The following SPMIP4 variants were observed in gnomAD, a reference collection of about 807,000 sequenced individuals.
SPMIP4 encodes sperm microtubule inner protein 4.
chr7:25,170,243 G>C, the SPMIP4 span, among the ~76,000 whole-genome samples: 1 of 152,142 alleles, frequency 6.6e-6, no homozygotes, highest in African/African-American at 2.4e-5. Flanking sequence ...CCATTCTAGT[G>C]GATGTGAAGT....
At chr7:25,169,012 G>A in the SPMIP4 span, among the ~76,000 whole-genome samples, 1 of 151,126 alleles carries the variant, frequency 6.6e-6, no homozygotes, top group Non-Finnish European at 1.5e-5. Context: ...ACAGGTGTGA[G>A]CCACTGCATC....
At chr7:25,174,462 C>G in the SPMIP4 span, among the ~76,000 whole-genome samples, 1 of 152,116 alleles carries the variant, frequency 6.6e-6, no homozygotes, top group Non-Finnish European at 1.5e-5. This position sits in a 1 kb window ranked among gnomAD's most constrained non-coding sequence, Gnocchi z 4.5. Context: ...AGTCACTGTA[C>G]AAGATTTTAT....
At chr7:25,141,894 C>T in the SPMIP4 span, among the ~76,000 whole-genome samples, 1 of 152,034 alleles carries the variant, frequency 6.6e-6, no homozygotes, top group Non-Finnish European at 1.5e-5. Context: ...AGTGCCACCA[C>T]GCCTGGCTAA....
the SPMIP4 span, among the ~76,000 whole-genome samples, chr7:25,126,740 A>G: frequency 6.6e-6 from 1 of 152,206 alleles, no homozygotes; most frequent in Admixed American, 6.5e-5. Flanking sequence ...CAGTATTATA[A>G]TATTGTGTGT....
At chr7:25,178,214 G>C in the SPMIP4 span, among the ~76,000 whole-genome samples, 29 of 152,144 alleles carry the variant, frequency 1.9e-4, no homozygotes, top group Admixed American at 1.4e-3. Context: ...ACCACTGATG[G>C]TCATTTATGC....
At chr7:25,150,997 AGTGACTG>A in the SPMIP4 span, among the ~76,000 whole-genome samples, 1 of 152,106 alleles carries the variant, frequency 6.6e-6, no homozygotes, top group Non-Finnish European at 1.5e-5. Context: ...GCATATTTGG[AGTGACTG>A]GAGGTATTAT....
chr7:25,131,975 G>A, the SPMIP4 span, among the ~76,000 whole-genome samples: 3 of 152,194 alleles, frequency 2.0e-5, no homozygotes, highest in Middle Eastern at 6.3e-3. This position sits in a 1 kb window ranked among gnomAD's most constrained non-coding sequence, Gnocchi z 4.2. Flanking sequence ...GTGGTGGACG[G>A]CAAGTGAAAG....
the SPMIP4 span, chr7:25,125,808 G>C: frequency 1.7e-6 from 1 of 597,742 alleles, no homozygotes; most frequent in East Asian, 1.4e-4. Context: ...CATCCTAGAG[G>C]GACAGCCTGG....
the SPMIP4 span, among the ~76,000 whole-genome samples, chr7:25,148,401 G>C: frequency 6.6e-6 from 1 of 151,946 alleles, no homozygotes; most frequent in African/African-American, 2.4e-5. Context: ...TTGCACCTGT[G>C]AACAGCCACT....
chr7:25,157,397 T>C, the SPMIP4 span, among the ~76,000 whole-genome samples: 1 of 152,120 alleles, frequency 6.6e-6, no homozygotes, highest in Non-Finnish European at 1.5e-5. Context: ...TAGAGTGCAG[T>C]GTGGAAAGGA....
chr7:25,144,832 GCACTGCTACCC>G, the SPMIP4 span, among the ~76,000 whole-genome samples: 1 of 152,150 alleles, frequency 6.6e-6, no homozygotes, highest in Admixed American at 6.5e-5. Flanking sequence ...ATGGTAAAAG[GCACTGCTACCC>G]CTATAAACCT....
the SPMIP4 span, among the ~76,000 whole-genome samples, chr7:25,140,672 C>T: frequency 1.3e-5 from 2 of 151,828 alleles, no homozygotes; most frequent in Non-Finnish European, 2.9e-5. Context: ...AACCTCCGCC[C>T]CATCCCCCTG....
At chr7:25,164,672 G>GTTT in the SPMIP4 span, among the ~76,000 whole-genome samples, 1 of 152,154 alleles carries the variant, frequency 6.6e-6, no homozygotes, top group African/African-American at 2.4e-5. Flanking sequence ...AACAGGTGGT[G>GTTT]AATAAATGAA....
chr7:25,165,221 T>C, the SPMIP4 span, among the ~76,000 whole-genome samples: 3 of 152,232 alleles, frequency 2.0e-5, no homozygotes, highest in South Asian at 2.1e-4. Context: ...ATGTGTCTTA[T>C]ATACTTTTAT....
the SPMIP4 span, among the ~76,000 whole-genome samples, chr7:25,151,001 A>AC: frequency 2.0e-5 from 3 of 152,132 alleles, no homozygotes; most frequent in Admixed American, 1.3e-4. Context: ...ATTTGGAGTG[A>AC]CTGGAGGTAT....
At chr7:25,130,008 C>T in the SPMIP4 span, among the ~76,000 whole-genome samples, 3 of 151,856 alleles carry the variant, frequency 2.0e-5, no homozygotes, top group Admixed American at 1.3e-4. Context: ...GAGGCCGAGG[C>T]GGGTGGATCA....
chr7:25,146,342 C>G, the SPMIP4 span, among the ~76,000 whole-genome samples: 30 of 152,120 alleles, frequency 2.0e-4, no homozygotes, highest in Admixed American at 3.9e-4. Flanking sequence ...GAGAGAGAGA[C>G]AGTTTGTTTC....
the SPMIP4 span, among the ~76,000 whole-genome samples, chr7:25,134,374 A>C: frequency 2.6e-5 from 4 of 151,814 alleles, no homozygotes; most frequent in Admixed American, 6.6e-5. Flanking sequence ...AAAACAAAAA[A>C]CACACACACA....
At chr7:25,177,683 A>G in the SPMIP4 span, among the ~76,000 whole-genome samples, 6 of 152,350 alleles carry the variant, frequency 3.9e-5, no homozygotes, top group East Asian at 3.9e-4. Flanking sequence ...TAAAATGCAG[A>G]TAACAGTAGT....
Sources: gnomAD v4.1 joint callset for allele counts (sites outside exome capture counted in the v4.1 genomes callset) on GRCh38, gnomAD v4.1.1 for gene constraint, Gnocchi (gnomAD v3.1) non-coding constraint, MANE v1.5 for transcripts, NCBI Gene and HGNC (gene_info 2026-07-23, HGNC 2026-07-21) for gene names.